The following CERS6 variants were observed in gnomAD, a reference collection of about 807,000 sequenced individuals.
CERS6 encodes the protein LAG1 homolog, ceramide synthase 6.
Under a neutral mutation model 56.8 loss-of-function variants are expected in CERS6, and 26 were observed. The ratio of observed to expected loss-of-function variants is 0.46; its 90% CI spans 0.34 to 0.63. CERS6 has a LOEUF of 0.63. Among genes scored for constraint, CERS6 ranks in the 30% least tolerant of loss-of-function variants. CERS6 has a pLI of 0.01. For synonymous variants in CERS6, 164 were observed against 173.3 expected (o/e 0.95, Z 0.42); for missense variants, 415 against 467.5 (o/e 0.89, Z 1.04).
chr2:168,692,211 C>T (rs886420206), intron 5 of CERS6, among the ~76,000 whole-genome samples: 4 of 152,216 alleles, frequency 2.6e-5, no homozygotes, highest in East Asian at 1.9e-4. Context: ...GTGTTGACAC[C>T]AATAGCTTAT....
At chr2:168,584,813 G>GT (rs1248490505) in intron 3 of CERS6, among the ~76,000 whole-genome samples, 1 of 152,190 alleles carries the variant, frequency 6.6e-6, no homozygotes, top group Non-Finnish European at 1.5e-5. Flanking sequence ...AAATTGTGGG[G>GT]TTTTTTGTTT....
At chr2:168,711,731 CA>C (rs35886865) in intron 6 of CERS6, among the ~76,000 whole-genome samples, 3,195 of 97,856 alleles carry the variant, frequency 0.033, 75 homozygotes, top group African/African-American at 0.1. Flanking sequence ...GAGACTGTCT[CA>C]AAAAAAAAAA....
chr2:168,477,061 C>T (rs1407738470), intron 1 of CERS6, among the ~76,000 whole-genome samples: 1 of 151,918 alleles, frequency 6.6e-6, no homozygotes, highest in Non-Finnish European at 1.5e-5. Flanking sequence ...GATCAAGGCA[C>T]CAGCAGATGC....
intron 6 of CERS6, among the ~76,000 whole-genome samples, chr2:168,706,342 A>G (rs775650292): frequency 1.3e-5 from 2 of 152,232 alleles, no homozygotes; most frequent in Non-Finnish European, 2.9e-5. Flanking sequence ...AAGATTAAAT[A>G]TTAACTAAAT....
intron 4 of CERS6, among the ~76,000 whole-genome samples, chr2:168,658,214 T>C (rs1685539708): frequency 6.6e-6 from 1 of 152,168 alleles, no homozygotes; most frequent in Non-Finnish European, 1.5e-5. Context: ...TAGTCCTAGT[T>C]TATACTCAAT....
chr2:168,752,403 C>T (rs1296314582), intron 8 of CERS6, among the ~76,000 whole-genome samples: 1 of 151,818 alleles, frequency 6.6e-6, no homozygotes, highest in Non-Finnish European at 1.5e-5. Flanking sequence ...TGCCTCAAGC[C>T]TTGCATGCAA....
intron 3 of CERS6, among the ~76,000 whole-genome samples, chr2:168,597,854 C>CG (rs928310700): frequency 1.3e-5 from 2 of 152,194 alleles, no homozygotes; most frequent in African/African-American, 4.8e-5. Flanking sequence ...GGACAGTGTG[C>CG]CAGAGTGCCT....
intron 8 of CERS6, among the ~76,000 whole-genome samples, chr2:168,746,775 G>GTATATATAATATA (rs1684107860): frequency 2.6e-5 from 1 of 38,992 alleles, no homozygotes; most frequent in Non-Finnish European, 5.4e-5. Flanking sequence ...AGGGTAAAGG[G>GTATATATAATATA]TATATATATA....
chr2:168,659,244 A>G (rs181332048), intron 4 of CERS6, among the ~76,000 whole-genome samples: 11 of 152,130 alleles, frequency 7.2e-5, no homozygotes, highest in Admixed American at 2.0e-4. Context: ...TTAATTCCAT[A>G]TTTTAAAAGT....
At chr2:168,577,503 G>A (rs1160836777) in intron 3 of CERS6, among the ~76,000 whole-genome samples, 1 of 152,110 alleles carries the variant, frequency 6.6e-6, no homozygotes, top group Non-Finnish European at 1.5e-5. Context: ...TTTAACAAGG[G>A]AAAAATGATG....
rs1694092680 is a variant in CERS6, at chr2:168,477,210, A to AGG, written c.170+20593_170+20594insGG. 2.0e-5 allele frequency among the ~76,000 whole-genome samples: 3 copies of AGG among 146,496 alleles called. No homozygotes were observed. In the South Asian group the frequency reaches 6.4e-4, roughly 31 times the overall value. On this transcript the variant is annotated intron_variant, in intron 1 of 9. Coordinates refer to ENST00000305747, the MANE Select transcript of CERS6 (RefSeq NM_203463.3). ...GAGAGAGAGAGAGAGAGAGAGAGAG[A>AGG]GAGAGAGAGTCTCATAGGGCACTAA...
intron 1 of CERS6, among the ~76,000 whole-genome samples, chr2:168,467,922 C>T (rs1693910124): frequency 6.6e-6 from 1 of 152,066 alleles, no homozygotes. Context: ...AGCAGTAGGG[C>T]CTGTTTACAT....
chr2:168,641,339 C>T (rs1685040811), intron 4 of CERS6, among the ~76,000 whole-genome samples: 2 of 152,054 alleles, frequency 1.3e-5, no homozygotes, highest in Non-Finnish European at 2.9e-5. Context: ...CCCTGGCTTC[C>T]CATAGAAACT....
intron 8 of CERS6, among the ~76,000 whole-genome samples, chr2:168,738,170 A>C (rs182535811): frequency 2.0e-5 from 3 of 152,240 alleles, no homozygotes; most frequent in Non-Finnish European, 2.9e-5. Context: ...GACTCAAATT[A>C]TGAGTTAGGA....
At chr2:168,632,045 T>G (rs1684759309) in intron 4 of CERS6, among the ~76,000 whole-genome samples, 1 of 151,456 alleles carries the variant, frequency 6.6e-6, no homozygotes, top group South Asian at 2.1e-4. Flanking sequence ...GGGACCGAAA[T>G]CTATGAAAGT....
chr2:168,715,080 T>G lies in CERS6; in HGVS notation c.689T>G (p.Val230Gly). Residue 230 changes from valine to glycine, a missense_variant, in exon 7 of 10, where the codon GTA becomes GGA. By Grantham distance (109) the Val-to-Gly change is moderately radical. Coordinates refer to ENST00000305747, the MANE Select transcript of CERS6 (RefSeq NM_203463.3). ...TCATATGTCAACAATATGGCCCGAGTAGGAACGCTGGTCCTTTGTCTTCAT... is the reference window on the plus strand; with the variant it reads ...TCATATGTCAACAATATGGCCCGAGGAGGAACGCTGGTCCTTTGTCTTCAT... ...TFSYVNNMAR[V>G]GTLVLCLHDS... is the part of the protein sequence containing the mutation. The G allele has an allele frequency of 6.2e-7, 1 of 1,613,006 alleles. No individual in the cohort carries two copies. Among genetic ancestry groups the G allele is most frequent in the Non-Finnish European group, 8.5e-7 (1 of 1,179,384 alleles).
At chr2:168,535,706 T>C (rs1001043316) in intron 1 of CERS6, among the ~76,000 whole-genome samples, 16 of 148,746 alleles carry the variant, frequency 1.1e-4, no homozygotes, top group Non-Finnish European at 1.5e-5. Flanking sequence ...GATGACCATC[T>C]TTTCATATGT....
rs189511557 is a variant in CERS6 at position 168,620,467 on chromosome 2, C to T, written c.408-10518C>T. Among the ~76,000 whole-genome samples the T allele has an allele frequency of 6.2e-3, 942 of 152,268 alleles. 10 individuals carry two copies. The highest frequency in any genetic ancestry group is 8.6e-3 in the Non-Finnish European group (582 of 68,018). On this transcript the variant is annotated intron_variant, in intron 3 of 9. Coordinates refer to ENST00000305747, the MANE Select transcript of CERS6 (RefSeq NM_203463.3). ...AAAGAAAAAAAGTAGAATGAGCCTT[C>T]TTAGCCAACTAGGACCCATTCCTGT...
chr2:168,667,638 A>C (rs1685797877), intron 4 of CERS6, among the ~76,000 whole-genome samples: 2 of 152,100 alleles, frequency 1.3e-5, no homozygotes. Flanking sequence ...TTATTCACCC[A>C]GCCCTGACAA....
Sources: gnomAD v4.1 joint callset for allele counts (sites outside exome capture counted in the v4.1 genomes callset) on GRCh38, gnomAD v4.1.1 for gene constraint, MANE v1.5 for transcripts, NCBI Gene and HGNC (gene_info 2026-07-23, HGNC 2026-07-21) for gene names.